Variants in RAPGEF6 observed in about 807,000 individuals in gnomAD.
RAPGEF6 encodes Rap guanine nucleotide exchange factor 6, also known as PDZ domain containing guanine nucleotide exchange factor (GEF) 2.
RAPGEF6 carries 56 observed loss-of-function variants against 171.4 expected under a neutral mutation model. That is an observed-to-expected ratio of 0.33 (90% CI 0.26 to 0.41). RAPGEF6 has a LOEUF of 0.41. Ranked by LOEUF, RAPGEF6 falls within the 10% of genes least tolerant of loss-of-function variation. The pLI is 1.00. For synonymous variants in RAPGEF6, 692 were observed against 650.1 expected, an observed-to-expected ratio of 1.06 and a Z score of -0.98; for missense variants, 1,674 against 1,921.4, an observed-to-expected ratio of 0.87 and a Z score of 2.41.
At chr5:131,615,737 T>C (rs1765224480) in intron 1 of RAPGEF6, among the ~76,000 whole-genome samples, 1 of 151,960 alleles carries the variant, frequency 6.6e-6, no homozygotes, top group Admixed American at 6.6e-5. Context: ...CCGTCTCTAC[T>C]AAAAATACAA....
chr5:131,455,968 T>C lies in RAPGEF6; in HGVS notation c.2909A>G (p.Glu970Gly). ...TTTCTCGTATTTGCTTGGTAACTTTTCCCAAGTTCCTCTGAGTCTTGCTAC... is the reference window on the plus strand; with the variant it reads ...TTTCTCGTATTTGCTTGGTAACTTTCCCCAAGTTCCTCTGAGTCTTGCTAC... ...ASVARLRGTWEKLPSKYEKHL... is the reference protein window; with the variant it reads ...ASVARLRGTWGKLPSKYEKHL... Residue 970 changes from glutamate (E) to glycine (G), a missense_variant, in exon 20 of 28, where the codon GAA (glutamate) becomes GGA (glycine). Glu to Gly is a moderately conservative substitution (Grantham distance 98). This residue lies in a region of RAPGEF6 where 1,116 missense variants were observed against 1,321.5 expected (regional missense o/e 0.84). Coordinates refer to ENST00000509018, the MANE Select transcript of RAPGEF6 (RefSeq NM_016340.6). The C allele has an allele frequency of 6.2e-7, 1 of 1,614,086 alleles. No individual in the cohort carries two copies. Among genetic ancestry groups the C allele is most frequent in the Non-Finnish European group, 8.5e-7 (1 of 1,180,000 alleles).
intron 6 of RAPGEF6, among the ~76,000 whole-genome samples, chr5:131,537,257 G>C (rs1315920635): frequency 6.6e-6 from 1 of 152,050 alleles, no homozygotes; most frequent in African/African-American, 2.4e-5. Context: ...TGGTTCCCTG[G>C]GCAAATCTGT....
chr5:131,594,957 T>C (rs918522625), intron 3 of RAPGEF6, among the ~76,000 whole-genome samples: 1 of 152,214 alleles, frequency 6.6e-6, no homozygotes, highest in African/African-American at 2.4e-5. Flanking sequence ...GGACTTCCCA[T>C]GTCTCAGATG....
At chr5:131,462,286 C>G (rs1028262643) in intron 18 of RAPGEF6, among the ~76,000 whole-genome samples, 198 bp from the exon 19 acceptor site, 5 of 152,128 alleles carry the variant, frequency 3.3e-5, no homozygotes, top group African/African-American at 1.2e-4. Flanking sequence ...TACCAACTGG[C>G]ATCTATTAAA....
intron 1 of RAPGEF6, among the ~76,000 whole-genome samples, chr5:131,607,953 G>A (rs1000025536): frequency 2.2e-4 from 33 of 152,054 alleles, no homozygotes; most frequent in Non-Finnish European, 3.4e-4. Flanking sequence ...TAGGACATCC[G>A]GAAATATCTA....
chr5:131,500,537 T>C (rs1262699060), intron 11 of RAPGEF6, among the ~76,000 whole-genome samples: 1 of 152,218 alleles, frequency 6.6e-6, no homozygotes, highest in East Asian at 1.9e-4. Flanking sequence ...CTTACCTCTT[T>C]AGACTAAAAT....
chr5:131,518,542 C>G (rs537970882), intron 7 of RAPGEF6, among the ~76,000 whole-genome samples: 1 of 151,862 alleles, frequency 6.6e-6, no homozygotes, highest in Non-Finnish European at 1.5e-5. Context: ...GGATTACAGG[C>G]ATGCTCCATC....
chr5:131,505,246 T>A lies in RAPGEF6; in HGVS notation c.1101+118A>T. On this transcript the variant is annotated intron_variant, in intron 10 of 27. Coordinates refer to ENST00000509018, the MANE Select transcript of RAPGEF6 (RefSeq NM_016340.6). ...ACAAAATCTACTTTCCTTTATTAACTGTGAGCTATTGAAACTCCTAATTCT... is the reference window on the plus strand; with the variant it reads ...ACAAAATCTACTTTCCTTTATTAACAGTGAGCTATTGAAACTCCTAATTCT... The A allele has an allele frequency of 3.1e-6, 3 of 963,146 alleles. No homozygotes were observed. The South Asian group carries it at 4.5e-5, about 14-fold the overall frequency. 59.7% of individuals were successfully genotyped at this position (963,146 alleles called of 1,614,324 possible).
At chr5:131,536,898 T>G (rs1016564590) in intron 6 of RAPGEF6, among the ~76,000 whole-genome samples, 2 of 152,210 alleles carry the variant, frequency 1.3e-5, no homozygotes, top group Admixed American at 1.3e-4. Flanking sequence ...AAACTATCTG[T>G]GAATTCCTGG....
At position 131,426,701 on chromosome 5, in the gene RAPGEF6, G is replaced by GGTCGTCGC; in HGVS notation, c.*564_*565insGCGACGAC. The GGTCGTCGC allele has an allele frequency of 6.4e-6, 1 of 155,882 alleles. No homozygotes were observed. The highest frequency in any genetic ancestry group is 1.4e-5 in the Non-Finnish European group (1 of 71,128). The allele number at this position is 155,882 out of a possible 1,614,324, so 9.7% of individuals were successfully genotyped here. A position where few individuals can be genotyped will look rare whatever the true frequency, so the allele number is the denominator to read the frequency against. On this transcript the variant is annotated 3_prime_UTR_variant, in exon 28 of 28. Transcript: ENST00000509018. The stretch of plus-strand genomic sequence containing the variant: ...CAAGTCACATCTCTGTGTAGATCAA[G>GGTCGTCGC]CATATCACCTCTGTAAAGATGACTT...
In RAPGEF6 at chr5:131,430,831, T is replaced by C. The variant is rs760008746; in HGVS notation, c.4465+28A>G. The C allele has an allele frequency of 8.2e-6, 13 of 1,582,000 alleles. No individual in the cohort carries two copies. The Admixed American group carries it at 2.3e-4, about 28-fold the overall frequency. Reference sequence around the variant, plus strand: ...ATTTTTTGACTACTTAATCTCTAAATGCCACAGACAACAAAAACACAACTT... The same window carrying C: ...ATTTTTTGACTACTTAATCTCTAAACGCCACAGACAACAAAAACACAACTT... On this transcript the variant is annotated intron_variant, in intron 26 of 27. Transcript: ENST00000509018.
At chr5:131,459,440 T>A (rs138256873) in intron 19 of RAPGEF6, among the ~76,000 whole-genome samples, 1 of 152,294 alleles carries the variant, frequency 6.6e-6, no homozygotes, top group East Asian at 1.9e-4. Flanking sequence ...TTAGTTCACA[T>A]AGACAACAAG....
chr5:131,529,984 T>C (rs1427214923), intron 6 of RAPGEF6, among the ~76,000 whole-genome samples: 3 of 145,872 alleles, frequency 2.1e-5, no homozygotes, highest in Non-Finnish European at 4.5e-5. Context: ...TTCAGCTCAC[T>C]GCAACCTCTG....
At chr5:131,628,239 A>G (rs1766068970) in intron 1 of RAPGEF6, among the ~76,000 whole-genome samples, 1 of 152,206 alleles carries the variant, frequency 6.6e-6, no homozygotes, top group African/African-American at 2.4e-5. Context: ...AAGAAAAGGC[A>G]CATGGAGAAA....
At position 131,479,630 on chromosome 5, in the gene RAPGEF6, G is replaced by A. The variant is rs774040751; in HGVS notation, c.1964C>T (p.Thr655Ile). 1 of 1,613,826 alleles carries A rather than the reference G, an allele frequency of 6.2e-7. No individual in the cohort carries two copies. The highest frequency in any genetic ancestry group is 1.1e-5 in the South Asian group (1 of 91,072). ...TTTCTTACTTCCTTTCTCCTGTGAT[G>A]TCTGTTCAATATCTCCTGGCACATG... is the stretch of plus-strand genomic sequence containing the variant. Reference protein sequence around the residue: ...IQHVPGDIEQTSQEKGSKKVK... With the variant: ...IQHVPGDIEQISQEKGSKKVK... The change falls in exon 16 of 28, where the codon ACA (threonine) becomes ATA (isoleucine). Residue 655 changes from threonine to isoleucine, a missense_variant. Thr to Ile is a moderately conservative substitution (Grantham distance 89, BLOSUM62 -1). Transcript: ENST00000509018.
intron 4 of RAPGEF6, among the ~76,000 whole-genome samples, chr5:131,585,610 G>A (rs1001615871): frequency 1.3e-5 from 2 of 152,162 alleles, no homozygotes; most frequent in Non-Finnish European, 2.9e-5. Context: ...TGGATCACCT[G>A]AGGTCACGAG....
intron 6 of RAPGEF6, chr5:131,532,896 CA>C (rs1759492354): frequency 6.6e-6 from 1 of 152,526 alleles, no homozygotes; most frequent in Non-Finnish European, 1.5e-5. Flanking sequence ...TAATATGGTA[CA>C]AAACCATTAT....
chr5:131,472,773 A>C, intron 16 of RAPGEF6, 29 bp from the exon 17 acceptor site: 1 of 1,579,068 alleles, frequency 6.3e-7, no homozygotes, highest in Non-Finnish European at 8.7e-7. Flanking sequence ...TATCACTTTA[A>C]AGTATTTGAG....
At position 131,433,504 on chromosome 5, in the gene RAPGEF6, G is replaced by T; in HGVS notation, c.3900C>A (p.Val1300=). Residue 1300 remains valine (V), a synonymous_variant, in exon 25 of 28, where the codon GTC becomes GTA. Transcript: ENST00000509018. ...TTTCCAATGCCCCAGTGGATTCAGG[G>T]ACTGCCAGGGCCTGAGAGGAACACC... The part of the protein sequence containing the change: ...DERCSSQALA[V]PESTGALEKT... 6.2e-7 allele frequency: 1 copy of T among 1,613,922 alleles called. No homozygotes were observed. The highest frequency in any genetic ancestry group is 8.5e-7 in the Non-Finnish European group (1 of 1,179,834).
Sources: allele counts gnomAD v4.1 joint callset (sites outside exome capture counted in the v4.1 genomes callset), GRCh38; gene constraint gnomAD v4.1.1; regional missense constraint gnomAD v4.1.1; transcripts MANE v1.5; gene names NCBI Gene and HGNC (gene_info 2026-07-23, HGNC 2026-07-21).